SMARCA4: variants seen among roughly 807,000 people sequenced by gnomAD.
The protein encoded by SMARCA4 is SWI/SNF-related matrix-associated actin-dependent regulator of chromatin subfamily A member 4.
Under a neutral mutation model 193.9 loss-of-function variants are expected in SMARCA4, and 31 were observed. The ratio of observed to expected loss-of-function variants is 0.16; its 90% CI spans 0.12 to 0.22. SMARCA4 has a LOEUF of 0.22. Among genes scored for constraint, SMARCA4 ranks in the 10% least tolerant of loss-of-function variants. The probability of loss-of-function intolerance (pLI) is 1.00; values close to 1 mark genes in which losing one functional copy is unlikely to be tolerated. For synonymous variants in SMARCA4, 942 were observed against 933.1 expected (o/e 1.01, Z -0.17); for missense variants, 1,148 against 2,296.0 (o/e 0.50, Z 10.22).
rs1038636952 is a variant in SMARCA4 at position 11,026,194 on chromosome 19, C to T, written c.3169-106C>T. 1.5e-5 allele frequency: 13 copies of T among 895,378 alleles called. No homozygotes were observed. The African/African-American group carries it at 1.6e-4, about 11-fold the overall frequency. 55.5% of individuals were successfully genotyped at this position (895,378 alleles called of 1,614,324 possible). ...CCGCCGTGGGCCCGTGCCGAGCACA[C>T]AGTGTGGGGGCTTTGTCCTCTGAGC... On this transcript the variant is annotated intron_variant, in intron 22 of 34. Coordinates refer to ENST00000344626, the MANE Select transcript of SMARCA4 (RefSeq NM_003072.5).
intron 7 of SMARCA4, among the ~76,000 whole-genome samples, chr19:10,990,870 TAC>T: frequency 6.6e-6 from 1 of 152,354 alleles, no homozygotes; most frequent in Non-Finnish European, 1.5e-5. Context: ...AAGAGTGTTA[TAC>T]TTCTGAATGA....
intron 29 of SMARCA4, among the ~76,000 whole-genome samples, chr19:11,039,047 C>T (rs571149873): frequency 6.6e-6 from 1 of 151,664 alleles, no homozygotes; most frequent in South Asian, 2.1e-4. Flanking sequence ...ATAGCAAGAC[C>T]TTTGTCTCTA....
Position 10,996,652 on chromosome 19 carries a change from A to G in SMARCA4, c.1812+108A>G, listed in dbSNP as rs2087085631. 4 of 1,079,302 alleles carry G rather than the reference A, an allele frequency of 3.7e-6. No homozygotes were observed. The Admixed American group carries it at 7.0e-5, about 19-fold the overall frequency. The allele number at this position is 1,079,302 out of a possible 1,614,324, so 66.9% of individuals were successfully genotyped here. ...TTAAAATTACGAACAATGATATGTG[A>G]TGATGGTGAGAATCCCAGGGTGTCC... On this transcript the variant is annotated intron_variant, in intron 11 of 34. Coordinates refer to ENST00000344626, the MANE Select transcript of SMARCA4 (RefSeq NM_003072.5).
intron 29 of SMARCA4, among the ~76,000 whole-genome samples, chr19:11,038,222 C>T (rs1225063434): frequency 6.6e-6 from 1 of 152,228 alleles, no homozygotes; most frequent in Non-Finnish European, 1.5e-5. Flanking sequence ...TTCCAGAAGC[C>T]TCCTGGCTTG....
intron 11 of SMARCA4, among the ~76,000 whole-genome samples, chr19:10,999,060 G>C (rs1013215635): frequency 3.3e-5 from 5 of 152,038 alleles, no homozygotes; most frequent in Non-Finnish European, 7.4e-5. Context: ...ACGCCACCAT[G>C]CTTGGTTAAG....
At position 11,030,178 on chromosome 19, in the gene SMARCA4, C is replaced by T. The variant is rs969703986; in HGVS notation, c.3383-552C>T. Among the ~76,000 whole-genome samples, 5 of 152,198 alleles carry T rather than the reference C, an allele frequency of 3.3e-5. No individual in the cohort carries two copies. Among genetic ancestry groups the T allele is most frequent in the African/African-American group, 4.8e-5 (2 of 41,434 alleles). On this transcript the variant is annotated intron_variant, in intron 24 of 34. Coordinates refer to ENST00000344626, the MANE Select transcript of SMARCA4 (RefSeq NM_003072.5). This position sits in a 1 kb window ranked among gnomAD's most constrained non-coding sequence, Gnocchi z 5.5. ...GACACTGATCCTGCCAGAAAGGACACGAGCCCCCTTTATAAGGTCTCCATG... is the reference window on the plus strand; with the variant it reads ...GACACTGATCCTGCCAGAAAGGACATGAGCCCCCTTTATAAGGTCTCCATG...
intron 13 of SMARCA4, among the ~76,000 whole-genome samples, chr19:11,003,748 G>A (rs2087888905): frequency 7.2e-6 from 1 of 138,542 alleles, no homozygotes; most frequent in Admixed American, 7.9e-5. Flanking sequence ...GTCTCACTCT[G>A]TCACCCAGGC....
At chr19:11,060,335 G>C in intron 34 of SMARCA4, 148 bp downstream of exon 34, 1 of 992,814 alleles carries the variant, frequency 1.0e-6, no homozygotes, top group Non-Finnish European at 1.5e-6. Flanking sequence ...CTGACCCCAG[G>C]TCACACAGCC....
At chr19:10,991,409 T>C in intron 8 of SMARCA4, 86 bp downstream of exon 8, 1 of 1,542,634 alleles carries the variant, frequency 6.5e-7, no homozygotes, top group Non-Finnish European at 8.7e-7. Context: ...TGTGTTTGCT[T>C]TGTTCCTAAA....
rs1262002307 is a variant in SMARCA4, at chr19:11,013,121, C to A, written c.2438+9C>A. ...ATCATCGTGCCTCTCTCGTGAGTACCCGCTGCCAGCAACATCCCACACGCC... is the reference window on the plus strand; with the variant it reads ...ATCATCGTGCCTCTCTCGTGAGTACACGCTGCCAGCAACATCCCACACGCC... On this transcript the variant is annotated intron_variant, in intron 16 of 34. Coordinates refer to ENST00000344626, the MANE Select transcript of SMARCA4 (RefSeq NM_003072.5). 2 of 1,613,832 alleles carry A rather than the reference C, an allele frequency of 1.2e-6. No individual in the cohort carries two copies. The highest frequency in any genetic ancestry group is 2.2e-5 in the East Asian group (1 of 44,850).
At chr19:11,045,274 C>G (rs1402596578) in intron 30 of SMARCA4, among the ~76,000 whole-genome samples, 1 of 151,890 alleles carries the variant, frequency 6.6e-6, no homozygotes, top group East Asian at 1.9e-4. Flanking sequence ...GAGCCGAGAC[C>G]GCGCCACGGC....
intron 29 of SMARCA4, 30 bp downstream of exon 29, chr19:11,035,162 G>T (rs763169512): frequency 1.9e-6 from 3 of 1,587,832 alleles, no homozygotes; most frequent in African/African-American, 1.3e-5. Context: ...AGCAGCTGCC[G>T]CAGGCCAGCG....
At chr19:11,052,536 A>T (rs1050466764) in intron 30 of SMARCA4, among the ~76,000 whole-genome samples, 2 of 151,762 alleles carry the variant, frequency 1.3e-5, no homozygotes, top group African/African-American at 4.8e-5. Context: ...ACAAACACCC[A>T]CCCTTTCCTC....
intron 11 of SMARCA4, among the ~76,000 whole-genome samples, chr19:11,001,513 G>T (rs2087633269): frequency 6.6e-6 from 1 of 152,182 alleles, no homozygotes; most frequent in African/African-American, 2.4e-5. Flanking sequence ...CTCCAGAGGA[G>T]TTCAATCAGA....
chr19:10,996,096 C>T lies in SMARCA4; in HGVS notation c.1594-117C>T, dbSNP rs1052491024. On this transcript the variant is annotated intron_variant, in intron 9 of 34. Coordinates refer to ENST00000344626, the MANE Select transcript of SMARCA4 (RefSeq NM_003072.5). ...CGATTGCCGTGTGAAGGGCTGGTGG[C>T]ACGGCACCCGCGTGAGCTACGCGTG... 13 of 992,916 alleles carry T rather than the reference C, an allele frequency of 1.3e-5. No individual in the cohort carries two copies. The African/African-American group carries it at 1.9e-4, about 15-fold the overall frequency. The allele number at this position is 992,916 out of a possible 1,614,324, so 61.5% of individuals were successfully genotyped here. A position where few individuals can be genotyped will look rare whatever the true frequency, so the allele number is the denominator to read the frequency against.
In SMARCA4 at chr19:10,994,816, G is replaced by A. The variant is rs1373222723; in HGVS notation, c.1420-12G>A. The stretch of plus-strand genomic sequence containing the variant: ...CTGAAGGGTCAGCCTTCTCTTTTGT[G>A]CTTTCCTGCAGGAATACCTCAATAG... On this transcript the variant is annotated splice_polypyrimidine_tract_variant and intron_variant, in intron 8 of 34. Coordinates refer to ENST00000344626, the MANE Select transcript of SMARCA4 (RefSeq NM_003072.5). The A allele has an allele frequency of 8.1e-6, 13 of 1,613,340 alleles. No homozygotes were observed. In the African/African-American group the frequency reaches 1.1e-4, roughly 13 times the overall value.
At chr19:11,050,531 T>C (rs1427005758) in intron 30 of SMARCA4, among the ~76,000 whole-genome samples, 1 of 152,224 alleles carries the variant, frequency 6.6e-6, no homozygotes, top group African/African-American at 2.4e-5. Context: ...AGCTGCTGCC[T>C]TGCCAATTCG....
At chr19:11,017,389 G>A (rs1458531402) in intron 16 of SMARCA4, among the ~76,000 whole-genome samples, 1 of 152,228 alleles carries the variant, frequency 6.6e-6, no homozygotes, top group Admixed American at 6.5e-5. Flanking sequence ...GTTGTGAGGT[G>A]GGTGCTCCTG....
chr19:11,052,762 A>G (rs1187273332), intron 30 of SMARCA4, among the ~76,000 whole-genome samples: 2 of 152,174 alleles, frequency 1.3e-5, no homozygotes, highest in East Asian at 1.9e-4. Flanking sequence ...GACAGTGGCC[A>G]TGGGCCTCCC....
Sources: gnomAD v4.1 joint callset for allele counts (sites outside exome capture counted in the v4.1 genomes callset) on GRCh38, gnomAD v4.1.1 for gene constraint, Gnocchi (gnomAD v3.1) non-coding constraint, MANE v1.5 for transcripts, NCBI Gene and HGNC (gene_info 2026-07-23, HGNC 2026-07-21) for gene names.